EGLN1: variants seen among roughly 807,000 people sequenced by gnomAD.
EGLN1 encodes the protein egl nine homolog 1.
EGLN1 carries 17 observed loss-of-function variants against 38.3 expected under a neutral mutation model. The observed-to-expected ratio is 0.44, with a 90% CI of 0.30 to 0.67. The LOEUF (loss-of-function observed/expected upper bound fraction) is 0.67, where lower values mean the gene tolerates loss of function less well. EGLN1 is among the 30% of genes least tolerant of loss of function. The pLI is 0.08. For missense variants in EGLN1, 477 were observed against 603.3 expected (o/e 0.79, Z 2.19); for synonymous variants, 283 against 257.5 (o/e 1.10, Z -0.95).
intron 1 of EGLN1, among the ~76,000 whole-genome samples, chr1:231,391,090 TTTTGTGTGTGTGTG>T (rs1207768976): frequency 3.6e-4 from 19 of 53,102 alleles, no homozygotes; most frequent in African/African-American, 1.1e-3. Context: ...TCTGTTTTTT[TTTTGTGTGTGTGTG>T]TGTGTGTGTG....
intron 1 of EGLN1, among the ~76,000 whole-genome samples, chr1:231,395,055 C>T (rs1177110741): frequency 6.6e-6 from 1 of 152,144 alleles, no homozygotes; most frequent in Non-Finnish European, 1.5e-5. Flanking sequence ...TCCAACAAAC[C>T]AGTGTTGGTT....
At chr1:231,387,663 C>A (rs893235164) in intron 1 of EGLN1, among the ~76,000 whole-genome samples, 16 of 152,122 alleles carry the variant, frequency 1.1e-4, no homozygotes, top group Admixed American at 3.3e-4. Context: ...CCGGCCGCAA[C>A]TTATTTTTAA....
chr1:231,386,387 C>T (rs1217063620), intron 1 of EGLN1, among the ~76,000 whole-genome samples: 3 of 152,194 alleles, frequency 2.0e-5, no homozygotes, highest in Admixed American at 6.5e-5. Context: ...AGTGTTTAAT[C>T]TTTGCATCCA....
At chr1:231,387,399 G>A (rs1279979651) in intron 1 of EGLN1, among the ~76,000 whole-genome samples, 10 of 139,050 alleles carry the variant, frequency 7.2e-5, no homozygotes, top group South Asian at 4.5e-4. Flanking sequence ...TCGCTCTGTC[G>A]CCCAGGCTGG....
chr1:231,404,761 T>C (rs989602371), intron 1 of EGLN1, among the ~76,000 whole-genome samples: 1 of 152,148 alleles, frequency 6.6e-6, no homozygotes, highest in South Asian at 2.1e-4. Flanking sequence ...ATAATTAAAT[T>C]CATGATTATA....
intron 1 of EGLN1, among the ~76,000 whole-genome samples, chr1:231,402,005 T>A (rs2749712): frequency 0.54 from 82,415 of 151,638 alleles, 24,002 homozygotes; most frequent in Non-Finnish European, 0.65. Flanking sequence ...TTTTAGCCAT[T>A]CTAGTGTATG....
intron 1 of EGLN1, among the ~76,000 whole-genome samples, chr1:231,379,811 A>G (rs1336935782): frequency 6.6e-6 from 1 of 152,202 alleles, no homozygotes; most frequent in Non-Finnish European, 1.5e-5. Context: ...TTTATCCCTC[A>G]TCAACATTAT....
rs1280266348 is a variant in EGLN1 at position 231,366,122 on chromosome 1, GA to G, written c.*288del. 2 of 436,096 alleles carry G rather than the reference GA, an allele frequency of 4.6e-6. No individual in the cohort carries two copies. The highest frequency in any genetic ancestry group is 3.5e-5 in the South Asian group (1 of 28,390). 27.0% of individuals were successfully genotyped at this position (436,096 alleles called of 1,614,324 possible). Reference sequence around the variant, plus strand: ...AACAGATCTGGCAAAATATAAGAATGAAAAAAATTCTACACAGGGCACTTAT... The same window carrying G: ...AACAGATCTGGCAAAATATAAGAATGAAAAAATTCTACACAGGGCACTTAT... On this transcript the variant is annotated 3_prime_UTR_variant, in exon 5 of 5. Coordinates refer to ENST00000366641, the MANE Select transcript of EGLN1 (RefSeq NM_022051.3).
chr1:231,364,831 A>G lies in EGLN1; in HGVS notation c.*1580T>C, dbSNP rs1001601440. ...AGGTCTTACACCCATAATTCACGCA[A>G]AATATGGATACCACCCTTTAGGTTT... is the stretch of plus-strand genomic sequence containing the variant. On this transcript the variant is annotated 3_prime_UTR_variant, in exon 5 of 5. Coordinates refer to ENST00000366641, the MANE Select transcript of EGLN1 (RefSeq NM_022051.3). 1 of 152,206 alleles carries G rather than the reference A, an allele frequency of 6.6e-6. No homozygotes were observed. The highest frequency in any genetic ancestry group is 1.5e-5 in the Non-Finnish European group (1 of 68,038). The allele number at this position is 152,206 out of a possible 1,614,324, so 9.4% of individuals were successfully genotyped here.
Position 231,421,990 on chromosome 1 carries a change from C to G in EGLN1, c.-102G>C. Reference sequence around the variant, plus strand: ...TGGGGAGCGGGGAGAGAGATAGGGGCCGTTACTGCGCCATGCACCCGCTAC... The same window carrying G: ...TGGGGAGCGGGGAGAGAGATAGGGGGCGTTACTGCGCCATGCACCCGCTAC... On this transcript the variant is annotated 5_prime_UTR_variant, in exon 1 of 5. Transcript: ENST00000366641. The surrounding 1 kb of genome is among the most constrained non-coding windows in gnomAD (Gnocchi z 5.5). The G allele has an allele frequency of 5.7e-6, 7 of 1,226,894 alleles. No homozygotes were observed. Among genetic ancestry groups the G allele is most frequent in the Non-Finnish European group, 7.3e-6 (7 of 961,928 alleles). The allele number at this position is 1,226,894 out of a possible 1,614,324, so 76.0% of individuals were successfully genotyped here.
rs925430583 is a variant in EGLN1 at position 231,372,975 on chromosome 1, T to A, written c.1011+1005A>T. Among the ~76,000 whole-genome samples, 14 of 152,286 alleles carry A rather than the reference T, an allele frequency of 9.2e-5. No homozygotes were observed. In the East Asian group the frequency reaches 2.3e-3, roughly 25 times the overall value. ...CACTTTGTGAAAATCCACTGAACTA[T>A]ACAAGCCACTTTTCTATTTGAATGT... is the stretch of plus-strand genomic sequence containing the variant. On this transcript the variant is annotated intron_variant, in intron 2 of 4. Transcript: ENST00000366641.
In EGLN1 at chr1:231,421,351, G is replaced by A. The variant is rs762452073; in HGVS notation, c.538C>T (p.Arg180Trp). Residue 180 changes from arginine to tryptophan, a missense_variant, in exon 1 of 5, where the codon CGG becomes TGG. Physicochemically the swap from Arg to Trp is moderately radical, Grantham distance 101 (BLOSUM62 -3). This residue lies in a region of EGLN1 where 298 missense variants were observed against 288.9 expected (regional missense o/e 1.03). Coordinates refer to ENST00000366641, the MANE Select transcript of EGLN1 (RefSeq NM_022051.3). This position sits in a 1 kb window ranked among gnomAD's most constrained non-coding sequence, Gnocchi z 5.5. ...AGGGGCTTCGTCTGCCCGTTGGGCC[G>A]CAGGCCGCCGCCGGGGCTCAGCGCA... is the stretch of plus-strand genomic sequence containing the variant. Reference protein sequence around the residue: ...GDALSPGGGLRPNGQTKPLPA... With the variant: ...GDALSPGGGLWPNGQTKPLPA... 2 of 1,609,586 alleles carry A rather than the reference G, an allele frequency of 1.2e-6. No homozygotes were observed. Among genetic ancestry groups the A allele is most frequent in the South Asian group, 1.1e-5 (1 of 90,814 alleles).
chr1:231,393,105 T>A (rs190539621), intron 1 of EGLN1, among the ~76,000 whole-genome samples: 1 of 152,364 alleles, frequency 6.6e-6, no homozygotes, highest in Admixed American at 6.5e-5. Flanking sequence ...GCTGAAACTA[T>A]TAGGGCCATC....
At chr1:231,403,285 C>G (rs549341347) in intron 1 of EGLN1, among the ~76,000 whole-genome samples, 2 of 152,074 alleles carry the variant, frequency 1.3e-5, no homozygotes, top group Admixed American at 6.6e-5. Context: ...TCTTTTATAT[C>G]CTTGTTGATT....
intron 1 of EGLN1, among the ~76,000 whole-genome samples, chr1:231,398,521 C>T (rs756835692): frequency 1.2e-4 from 19 of 152,252 alleles, no homozygotes; most frequent in Non-Finnish European, 2.1e-4. Flanking sequence ...TACGTGGTCA[C>T]GTATTTCTAT....
rs550037623 is a variant in EGLN1, at chr1:231,392,082, T to A, written c.892-17983A>T. ...GCGGGCGGATCACGAGGTCAGGAGA[T>A]CAAGACCATCCTGGCTAACATGGTG... On this transcript the variant is annotated intron_variant, in intron 1 of 4. Transcript: ENST00000366641. Among the ~76,000 whole-genome samples, 35 of 152,150 alleles carry A rather than the reference T, an allele frequency of 2.3e-4. No homozygotes were observed. The South Asian group carries it at 7.3e-3, about 32-fold the overall frequency.
rs1687623375 is a variant in EGLN1, at chr1:231,365,589, G to A, written c.*822C>T. 1 of 152,338 alleles carries A rather than the reference G, an allele frequency of 6.6e-6. No homozygotes were observed. The highest frequency in any genetic ancestry group is 2.4e-5 in the African/African-American group (1 of 41,410). The allele number at this position is 152,338 out of a possible 1,614,324, so 9.4% of individuals were successfully genotyped here. On this transcript the variant is annotated 3_prime_UTR_variant, in exon 5 of 5. Coordinates refer to ENST00000366641, the MANE Select transcript of EGLN1 (RefSeq NM_022051.3). ...GGAGGCGGAGGTTGCAGTGAGCCAAGAATGCACCACTCCCCTCCAGCCTGG... is the reference window on the plus strand; with the variant it reads ...GGAGGCGGAGGTTGCAGTGAGCCAAAAATGCACCACTCCCCTCCAGCCTGG...
rs764531356 is a variant in EGLN1 at position 231,421,154 on chromosome 1, A to C, written c.735T>G (p.Ser245Arg). 49 of 1,613,094 alleles carry C rather than the reference A, an allele frequency of 3.0e-5. 1 individual carries two copies. The highest frequency in any genetic ancestry group is 8.0e-5 in the African/African-American group (6 of 74,542). Residue 245 changes from serine (S) to arginine (R), a missense_variant, in exon 1 of 5, where the codon AGT (serine) becomes AGG (arginine). Ser to Arg is a moderately radical substitution (Grantham distance 110). Around this residue, in one of 4 missense-constraint regions of EGLN1, gnomAD observed 119 missense variants for 179.0 expected, o/e 0.66. Transcript: ENST00000366641. This position sits in a 1 kb window ranked among gnomAD's most constrained non-coding sequence, Gnocchi z 5.5. ...CGCCTCGGATGTCCTTGGACGAGTC[A>C]CTCTTCTGGCTGACCAGCTGCCCGT... Reference protein sequence around the residue: ...FTDGQLVSQKSDSSKDIRGDK... With the variant: ...FTDGQLVSQKRDSSKDIRGDK...
chr1:231,372,595 G>A (rs2102896734), intron 2 of EGLN1, among the ~76,000 whole-genome samples: 1 of 152,010 alleles, frequency 6.6e-6, no homozygotes. Context: ...TTGTGCCTTG[G>A]GCTCAAATTC....
Sources: allele counts gnomAD v4.1 joint callset (sites outside exome capture counted in the v4.1 genomes callset), GRCh38; gene constraint gnomAD v4.1.1; regional missense constraint gnomAD v4.1.1; non-coding constraint Gnocchi (gnomAD v3.1); transcripts MANE v1.5; gene names NCBI Gene and HGNC (gene_info 2026-07-23, HGNC 2026-07-21).